Variants in RGS22 observed in about 807,000 individuals in gnomAD.
RGS22 encodes regulator of G protein signaling 22.
Under a neutral mutation model 172.9 loss-of-function variants are expected in RGS22, and 148 were observed. The observed-to-expected ratio is 0.86, with a 90% CI of 0.75 to 0.98. RGS22 has a LOEUF of 0.98. RGS22 is among the 50% of genes least tolerant of loss of function. The pLI, the probability that RGS22 is intolerant of heterozygous loss-of-function variation, is 0.00. For synonymous variants in RGS22, 458 were observed against 480.2 expected (o/e 0.95, Z 0.60); for missense variants, 1,347 against 1,440.8 (o/e 0.93, Z 1.05).
intron 23 of RGS22, among the ~76,000 whole-genome samples, chr8:99,969,910 C>T (rs1313327935): frequency 6.6e-6 from 1 of 152,164 alleles, no homozygotes; most frequent in Non-Finnish European, 1.5e-5. Flanking sequence ...ACTCTCCACC[C>T]CAAATCAACA....
chr8:99,977,383 A>G (rs991429906), intron 23 of RGS22, among the ~76,000 whole-genome samples: 10 of 146,442 alleles, frequency 6.8e-5, no homozygotes, highest in African/African-American at 2.5e-4. Context: ...TCGGCCTCCC[A>G]AAGTGCTGGG....
chr8:100,098,200 G>A (rs1813133619), intron 2 of RGS22, among the ~76,000 whole-genome samples: 1 of 152,114 alleles, frequency 6.6e-6, no homozygotes, highest in African/African-American at 2.4e-5. Flanking sequence ...GAGGAAAAGG[G>A]CTGTTTCCTA....
intron 6 of RGS22, among the ~76,000 whole-genome samples, chr8:100,066,639 C>G (rs112440525): frequency 6.6e-4 from 100 of 152,186 alleles, no homozygotes; most frequent in African/African-American, 2.2e-3. Context: ...AGTCACCAGG[C>G]CCATCAATCC....
intron 14 of RGS22, among the ~76,000 whole-genome samples, chr8:100,010,682 C>A (rs1816276506): frequency 6.6e-6 from 1 of 152,094 alleles, no homozygotes; most frequent in Admixed American, 6.6e-5. Context: ...ATTCCTAGAA[C>A]TGTTCTTGGC....
intron 3 of RGS22, among the ~76,000 whole-genome samples, chr8:100,083,856 G>GT (rs1373730826): frequency 1.9e-5 from 2 of 102,588 alleles, no homozygotes; most frequent in African/African-American, 7.5e-5. Flanking sequence ...TTTGTTTTTT[G>GT]TTTTTTCTGA....
At chr8:99,984,236 A>G (rs192380866) in intron 21 of RGS22, among the ~76,000 whole-genome samples, 8 of 152,260 alleles carry the variant, frequency 5.3e-5, no homozygotes, top group Non-Finnish European at 1.2e-4. Context: ...GCAGTGGGCC[A>G]TTATCACACC....
At chr8:99,962,563 C>T in intron 26 of RGS22, 120 bp from the exon 27 acceptor site, 1 of 1,400,978 alleles carries the variant, frequency 7.1e-7, no homozygotes, top group Non-Finnish European at 1.0e-6. Context: ...AGTTGGGGGG[C>T]AGAATAGGGT....
intron 4 of RGS22, among the ~76,000 whole-genome samples, chr8:100,072,562 C>T (rs1811066563): frequency 6.6e-6 from 1 of 152,086 alleles, no homozygotes; most frequent in Non-Finnish European, 1.5e-5. Flanking sequence ...AGTATTTTCA[C>T]AGTCATAAAA....
intron 9 of RGS22, among the ~76,000 whole-genome samples, chr8:100,059,739 A>AG (rs1172591757): frequency 1.3e-5 from 2 of 152,232 alleles, no homozygotes; most frequent in African/African-American, 4.8e-5. Flanking sequence ...TCCTCCAGAG[A>AG]GAAAAATAAC....
At chr8:100,006,962 G>A (rs952026321) in intron 15 of RGS22, among the ~76,000 whole-genome samples, 16 of 151,320 alleles carry the variant, frequency 1.1e-4, no homozygotes, top group South Asian at 4.2e-4. Context: ...CACCCTCTAC[G>A]GCATACACTA....
intron 9 of RGS22, 33 bp downstream of exon 9, chr8:100,062,558 G>A (rs1038027867): frequency 2.1e-6 from 3 of 1,451,096 alleles, no homozygotes; most frequent in Admixed American, 2.0e-5. Context: ...CGTAAGGAAA[G>A]TGAAAGTAAG....
chr8:100,059,068 C>T (rs1020773584), intron 9 of RGS22, among the ~76,000 whole-genome samples: 1 of 152,094 alleles, frequency 6.6e-6, no homozygotes, highest in South Asian at 2.1e-4. Context: ...GTTAAGTTCT[C>T]ATCAGGTTAA....
At position 99,979,926 on chromosome 8, in the gene RGS22, C is replaced by T. The variant is rs180863655; in HGVS notation, c.3361-1851G>A. ...AGAGGTAAAAACAAGGGAGAGAAGACGATACTGCAAAAAGCTCAGGAGAGA... is the reference window on the plus strand; with the variant it reads ...AGAGGTAAAAACAAGGGAGAGAAGATGATACTGCAAAAAGCTCAGGAGAGA... On this transcript the variant is annotated intron_variant, in intron 22 of 27. Coordinates refer to ENST00000360863, the MANE Select transcript of RGS22 (RefSeq NM_015668.5). 1.5e-3 allele frequency among the ~76,000 whole-genome samples: 226 copies of T among 152,130 alleles called. 3 individuals are homozygous for T. Among genetic ancestry groups the T allele is most frequent in the Admixed American group, 3.7e-3 (57 of 15,274 alleles).
rs1337541577 is a variant in RGS22 at position 100,105,898 on chromosome 8, C to T, written c.24G>A (p.Ala8=). ...TGTCCCTGTGGGGCCGCCACCTACC[C>T]GCGGTGAGCCTCTTCTCGGGCATGC... MPEKRLT[A]EPPTITEEEF... Residue 8 remains alanine, a splice_region_variant and synonymous_variant, in exon 1 of 28, where the codon GCG becomes GCA. Transcript: ENST00000360863. 16 of 1,500,124 alleles carry T rather than the reference C, an allele frequency of 1.1e-5. No homozygotes were observed. In the East Asian group the frequency reaches 3.5e-4, roughly 33 times the overall value. The allele number at this position is 1,500,124 out of a possible 1,614,324, so 92.9% of individuals were successfully genotyped here.
chr8:100,045,315 G>A (rs968286943), intron 11 of RGS22, among the ~76,000 whole-genome samples: 9 of 151,730 alleles, frequency 5.9e-5, no homozygotes, highest in African/African-American at 1.2e-4. Flanking sequence ...TTCATTCAAC[G>A]AATATTAATT....
chr8:99,989,853 T>C (rs867573868), intron 20 of RGS22, among the ~76,000 whole-genome samples: 10 of 131,090 alleles, frequency 7.6e-5, no homozygotes, highest in Admixed American at 2.4e-4. Context: ...TCTAGATAGA[T>C]AGACAGACAG....
chr8:99,997,991 C>A lies in RGS22; in HGVS notation c.2949+1271G>T, dbSNP rs1814573090. ...ATGGGATTATCTTCTATACATTGTT[C>A]TGCATCCTGCTTGTTTTGTTCAATA... is the stretch of plus-strand genomic sequence containing the variant. On this transcript the variant is annotated intron_variant, in intron 19 of 27. Transcript: ENST00000360863. 3.9e-5 allele frequency among the ~76,000 whole-genome samples: 6 copies of A among 152,266 alleles called. No homozygotes were observed. In the South Asian group the frequency reaches 1.2e-3, roughly 32 times the overall value.
rs1245783464 is a variant in RGS22 at position 100,060,421 on chromosome 8, T to TATACAC, written c.1514+2169_1514+2170insGTGTAT. Among the ~76,000 whole-genome samples the TATACAC allele has an allele frequency of 1.3e-4, 15 of 119,512 alleles. 1 individual carries two copies. The South Asian group carries it at 2.0e-3, about 16-fold the overall frequency. The allele number at this position is 119,512 out of a possible 152,430, so 78.4% of individuals were successfully genotyped here. ...CTACGTGTATATATATATATATATA[T>TATACAC]ACACACACACACACACACACGCACC... On this transcript the variant is annotated intron_variant, in intron 9 of 27. Coordinates refer to ENST00000360863, the MANE Select transcript of RGS22 (RefSeq NM_015668.5).
intron 11 of RGS22, among the ~76,000 whole-genome samples, 171 bp downstream of exon 11, chr8:100,047,292 C>T (rs1270221283): frequency 6.6e-6 from 1 of 152,092 alleles, no homozygotes; most frequent in Non-Finnish European, 1.5e-5. Context: ...GAACTCTACT[C>T]CTAATTTAGA....
Sources: gnomAD v4.1 joint callset for allele counts (sites outside exome capture counted in the v4.1 genomes callset) on GRCh38, gnomAD v4.1.1 for gene constraint, MANE v1.5 for transcripts, NCBI Gene and HGNC (gene_info 2026-07-23, HGNC 2026-07-21) for gene names.